The following ARHGEF3 variants were observed in gnomAD, a reference collection of about 807,000 sequenced individuals.
The protein encoded by ARHGEF3 is 59.8 kDA protein.
ARHGEF3 carries 28 observed loss-of-function variants against 63.2 expected under a neutral mutation model. The observed-to-expected ratio is 0.44, with a 90% CI of 0.33 to 0.61. The LOEUF is 0.61. ARHGEF3 is among the 20% of genes least tolerant of loss of function. The pLI is 0.03. For synonymous variants in ARHGEF3, 266 were observed against 254.2 expected (o/e 1.05, Z -0.44); for missense variants, 533 against 659.3 (o/e 0.81, Z 2.10).
chr3:57,029,126 C>G (rs1372588328), intron 2 of ARHGEF3, among the ~76,000 whole-genome samples: 1 of 152,132 alleles, frequency 6.6e-6, no homozygotes, highest in African/African-American at 2.4e-5. Context: ...CTCAGTTCCT[C>G]ATCTGTAAAT....
At chr3:56,763,269 G>A (rs1201199556) in intron 2 of ARHGEF3, among the ~76,000 whole-genome samples, 1 of 152,158 alleles carries the variant, frequency 6.6e-6, no homozygotes, top group Non-Finnish European at 1.5e-5. Context: ...CGGTCAGCAG[G>A]AATGGTAGTT....
At chr3:56,790,604 C>T (rs1281051321) in intron 1 of ARHGEF3, among the ~76,000 whole-genome samples, 1 of 152,192 alleles carries the variant, frequency 6.6e-6, no homozygotes, top group Non-Finnish European at 1.5e-5. Flanking sequence ...TAGTCTTCCC[C>T]AGTGACCTTT....
chr3:56,961,958 T>C (rs536783902), intron 2 of ARHGEF3, among the ~76,000 whole-genome samples: 5 of 152,292 alleles, frequency 3.3e-5, no homozygotes, highest in South Asian at 2.1e-4. Context: ...GGTAGGAAGA[T>C]TGCTTAAGCC....
intron 2 of ARHGEF3, chr3:56,960,453 A>G (rs1464897678): frequency 5.3e-5 from 8 of 152,196 alleles, no homozygotes; most frequent in Non-Finnish European, 7.3e-5. Context: ...TACATGCAAA[A>G]CAGGGGAAAT....
chr3:56,846,695 CACA>C (rs745801282), intron 4 of ARHGEF3, among the ~76,000 whole-genome samples: 3 of 152,008 alleles, frequency 2.0e-5, no homozygotes, highest in Non-Finnish European at 4.4e-5. Flanking sequence ...GGACTAACTT[CACA>C]ACTTTTTTCC....
chr3:56,771,438 C>T (rs1400661521), intron 2 of ARHGEF3, among the ~76,000 whole-genome samples: 1 of 152,140 alleles, frequency 6.6e-6, no homozygotes, highest in African/African-American at 2.4e-5. Flanking sequence ...GTGGGAGGCA[C>T]AGATTGTGCT....
chr3:56,825,683 A>T (rs1362246675), intron 4 of ARHGEF3, among the ~76,000 whole-genome samples: 1 of 152,082 alleles, frequency 6.6e-6, no homozygotes, highest in African/African-American at 2.4e-5. Context: ...GAGTCCATCT[A>T]CTCTATTCAA....
intron 4 of ARHGEF3, among the ~76,000 whole-genome samples, chr3:56,860,190 TTTTTAGAGACAGAGTC>T (rs1445616369): frequency 2.0e-5 from 3 of 152,132 alleles, no homozygotes; most frequent in African/African-American, 7.2e-5. Flanking sequence ...TTATTTTTAT[TTTTTAGAGACAGAGTC>T]TCACTCTGTC....
chr3:56,752,728 C>A (rs1415593696), intron 4 of ARHGEF3, among the ~76,000 whole-genome samples: 2 of 152,218 alleles, frequency 1.3e-5, no homozygotes, highest in Non-Finnish European at 2.9e-5. Context: ...GAAATAACTT[C>A]TTTGTCCTCT....
intron 3 of ARHGEF3, among the ~76,000 whole-genome samples, chr3:56,923,090 T>C: frequency 7.4e-6 from 1 of 134,430 alleles, no homozygotes; most frequent in South Asian, 2.4e-4. Context: ...TAGTTGGGCA[T>C]GGTGGCGTGT....
chr3:56,822,003 GA>G (rs2038519121), intron 4 of ARHGEF3, among the ~76,000 whole-genome samples: 2 of 151,136 alleles, frequency 1.3e-5, no homozygotes, highest in Non-Finnish European at 2.9e-5. Context: ...GAGAAGAGAA[GA>G]GAAGAGAAGA....
At chr3:56,878,617 G>C (rs761630792) in intron 4 of ARHGEF3, among the ~76,000 whole-genome samples, 1 of 152,120 alleles carries the variant, frequency 6.6e-6, no homozygotes, top group African/African-American at 2.4e-5. Context: ...CTCTTAACAG[G>C]GGTCTTGGCT....
chr3:57,073,538 C>A, intron 1 of ARHGEF3: 1 of 1,281,014 alleles, frequency 7.8e-7, no homozygotes, highest in Non-Finnish European at 1.0e-6. Context: ...TCTGTTTGAG[C>A]ACCCCGGGAT....
At chr3:57,005,927 A>G (rs1702449656) in intron 2 of ARHGEF3, among the ~76,000 whole-genome samples, 1 of 152,210 alleles carries the variant, frequency 6.6e-6, no homozygotes, top group Non-Finnish European at 1.5e-5. Context: ...GGATAAATCA[A>G]TATTATTTCT....
intron 2 of ARHGEF3, among the ~76,000 whole-genome samples, chr3:56,999,455 C>A (rs900417720): frequency 6.6e-6 from 1 of 152,182 alleles, no homozygotes; most frequent in African/African-American, 2.4e-5. Flanking sequence ...TTAAAGAACA[C>A]ACTGTCTTAA....
At chr3:56,966,850 ATTATT>A (rs1560090840) in intron 2 of ARHGEF3, among the ~76,000 whole-genome samples, 3 of 108,462 alleles carry the variant, frequency 2.8e-5, no homozygotes, top group Non-Finnish European at 5.8e-5. Flanking sequence ...TTTTTTTTTA[ATTATT>A]ATTATTATTA....
Position 56,835,422 on chromosome 3 carries a change from C to T in ARHGEF3, c.192+46870G>A, listed in dbSNP as rs560206189. Among the ~76,000 whole-genome samples, 68 of 152,124 alleles carry T rather than the reference C, an allele frequency of 4.5e-4. No individual in the cohort carries two copies. In the East Asian group the frequency reaches 4.6e-3, roughly 10 times the overall value. On this transcript the variant is annotated intron_variant, in intron 4 of 12. Transcript: ENST00000338458. ...AACTCCTGACTTCAGGTGATCCACC[C>T]GCCTCGGCCTCCCAAAGTGCTGGGA...
At chr3:56,985,683 T>C (rs1701505416) in intron 2 of ARHGEF3, among the ~76,000 whole-genome samples, 1 of 152,158 alleles carries the variant, frequency 6.6e-6, no homozygotes, top group Non-Finnish European at 1.5e-5. Flanking sequence ...GGGAACAGCA[T>C]AGCTGAGAGC....
Position 56,801,840 on chromosome 3 carries a change from C to G in ARHGEF3, c.-42G>C. On this transcript the variant is annotated 5_prime_UTR_variant, in exon 1 of 10. Transcript: ENST00000296315. ...GCCCTTTGGGATGTCACCGCTGACC[C>G]TAGGCGACTACAAAACTCCCAGGCA... The G allele has an allele frequency of 6.4e-7, 1 of 1,551,920 alleles. No individual in the cohort carries two copies.
Sources: gnomAD v4.1 joint callset for allele counts (sites outside exome capture counted in the v4.1 genomes callset) on GRCh38, gnomAD v4.1.1 for gene constraint, MANE v1.5 for transcripts, NCBI Gene and HGNC (gene_info 2026-07-23, HGNC 2026-07-21) for gene names.